MAN1A2: variants seen among roughly 807,000 people sequenced by gnomAD.
MAN1A2 encodes the protein mannosidase alpha class 1A member 2, also known as mannosyl-oligosaccharide 1,2-alpha-mannosidase IB.
Under a neutral mutation model 75.7 loss-of-function variants are expected in MAN1A2, and 26 were observed. That is an observed-to-expected ratio of 0.34 (90% CI 0.25 to 0.48). The LOEUF is 0.48. Among genes scored for constraint, MAN1A2 ranks in the 20% least tolerant of loss-of-function variants. The pLI is 0.99. For synonymous variants in MAN1A2, 247 were observed against 264.6 expected (o/e 0.93, Z 0.65); for missense variants, 562 against 775.5 (o/e 0.72, Z 3.27).
At chr1:117,419,810 C>A (rs1199107809) in intron 4 of MAN1A2, among the ~76,000 whole-genome samples, 15 of 151,890 alleles carry the variant, frequency 9.9e-5, no homozygotes, top group African/African-American at 3.4e-4. Flanking sequence ...CATCTGTTTG[C>A]CATTTAGTTT....
At chr1:117,498,305 ATTG>A (rs1386599290) in intron 10 of MAN1A2, among the ~76,000 whole-genome samples, 1 of 151,880 alleles carries the variant, frequency 6.6e-6, no homozygotes, top group East Asian at 1.9e-4. Context: ...GAGAATAAGG[ATTG>A]TTATTTTGCA....
intron 5 of MAN1A2, among the ~76,000 whole-genome samples, chr1:117,438,866 G>A (rs1648934753): frequency 6.6e-6 from 1 of 152,128 alleles, no homozygotes; most frequent in Non-Finnish European, 1.5e-5. Context: ...ATTGCCTAAT[G>A]ATGCATTTCT....
intron 1 of MAN1A2, among the ~76,000 whole-genome samples, chr1:117,392,073 C>T (rs1653738717): frequency 1.3e-5 from 2 of 152,084 alleles, no homozygotes; most frequent in South Asian, 2.1e-4. Context: ...CTTATATCCC[C>T]TCCCTTTCTA....
At chr1:117,489,628 G>A (rs895914919) in intron 8 of MAN1A2, among the ~76,000 whole-genome samples, 7 of 151,960 alleles carry the variant, frequency 4.6e-5, no homozygotes, top group Admixed American at 1.3e-4. Context: ...TAGCTTTAAC[G>A]TACGAAGCTA....
chr1:117,371,197 T>C (rs185746271), intron 1 of MAN1A2, among the ~76,000 whole-genome samples: 15 of 152,340 alleles, frequency 9.8e-5, no homozygotes, highest in Non-Finnish European at 1.6e-4. Flanking sequence ...CTTTAAATAC[T>C]GTATATTTTC....
chr1:117,420,709 A>G, intron 5 of MAN1A2, 60 bp downstream of exon 5: 1 of 1,213,508 alleles, frequency 8.2e-7, no homozygotes, highest in South Asian at 1.2e-5. Context: ...ATTTAATAAA[A>G]TGAACAATTT....
At chr1:117,494,020 T>G (rs1246304163) in intron 9 of MAN1A2, 1 of 152,030 alleles carries the variant, frequency 6.6e-6, no homozygotes, top group Non-Finnish European at 1.5e-5. Context: ...GTTCTAACCC[T>G]TCTTACATAT....
Position 117,522,840 on chromosome 1 carries a change from G to C in MAN1A2, c.1809G>C (p.Leu603=), listed in dbSNP as rs1234257641. 4 of 1,610,860 alleles carry C rather than the reference G, an allele frequency of 2.5e-6. No homozygotes were observed. The highest frequency in any genetic ancestry group is 1.7e-5 in the Admixed American group (1 of 59,740). The change falls in exon 13 of 13, where the codon CTG becomes CTC. Residue 603 remains leucine, a synonymous_variant. Coordinates refer to ENST00000356554, the MANE Select transcript of MAN1A2 (RefSeq NM_006699.5). ...LAETLKYLYL[L]FSGDDLLPLD... is the part of the protein sequence containing the mutation. The stretch of plus-strand genomic sequence containing the variant: ...TTATTTTCAGATATTTGTATCTGCT[G>C]TTCTCCGGTGATGACCTTTTACCTT...
chr1:117,427,388 T>A (rs977294028), intron 5 of MAN1A2, among the ~76,000 whole-genome samples: 5 of 152,210 alleles, frequency 3.3e-5, no homozygotes, highest in Non-Finnish European at 5.9e-5. Context: ...TTGACTGTTG[T>A]CATTGGAAGG....
intron 6 of MAN1A2, among the ~76,000 whole-genome samples, chr1:117,452,612 C>G (rs1570755595): frequency 1.3e-5 from 2 of 152,212 alleles, no homozygotes; most frequent in Admixed American, 6.5e-5. Flanking sequence ...CCCTAACTCT[C>G]TTCACGTCTG....
chr1:117,498,549 TA>T (rs1651103986), intron 10 of MAN1A2, among the ~76,000 whole-genome samples: 1 of 151,914 alleles, frequency 6.6e-6, no homozygotes, highest in East Asian at 1.9e-4. Context: ...AGGATTTCCT[TA>T]TATTTCTGAT....
rs186684013 is a variant in MAN1A2 at position 117,431,945 on chromosome 1, G to A, written c.856-10286G>A. 3.7e-4 allele frequency among the ~76,000 whole-genome samples: 57 copies of A among 152,178 alleles called. 1 individual carries two copies. The East Asian group carries it at 3.9e-3, about 10-fold the overall frequency. ...AGCTGGGGCAACAGAGCAAAACCCT[G>A]TCTCTCAAAAACAAAAAACAAGCAC... On this transcript the variant is annotated intron_variant, in intron 5 of 12. Coordinates refer to ENST00000356554, the MANE Select transcript of MAN1A2 (RefSeq NM_006699.5).
chr1:117,426,951 C>A (rs1366141848), intron 5 of MAN1A2, among the ~76,000 whole-genome samples: 1 of 152,030 alleles, frequency 6.6e-6, no homozygotes, highest in African/African-American at 2.4e-5. Context: ...TCTGGGATTC[C>A]AATTATATAC....
intron 8 of MAN1A2, among the ~76,000 whole-genome samples, chr1:117,490,468 C>T (rs1335247527): frequency 6.6e-6 from 1 of 152,004 alleles, no homozygotes; most frequent in Admixed American, 6.6e-5. Context: ...TGTGTGTGTT[C>T]TGACTGCTCT....
At chr1:117,509,076 G>A (rs76199502) in intron 12 of MAN1A2, among the ~76,000 whole-genome samples, 18,764 of 150,856 alleles carry the variant, frequency 0.12, 1,227 homozygotes, top group Non-Finnish European at 0.14. Context: ...AAAACCCAAA[G>A]ATCATTGAAG....
intron 1 of MAN1A2, among the ~76,000 whole-genome samples, chr1:117,395,093 G>A (rs17037239): frequency 0.61 from 92,941 of 151,970 alleles, 28,692 homozygotes; most frequent in Non-Finnish European, 0.65. Context: ...CTGTTCACAC[G>A]TATGAATTCT....
chr1:117,444,176 A>T (rs1470899230), intron 6 of MAN1A2, among the ~76,000 whole-genome samples: 1 of 152,122 alleles, frequency 6.6e-6, no homozygotes. Context: ...CTCAATAAAG[A>T]TCTAAATAAA....
intron 1 of MAN1A2, among the ~76,000 whole-genome samples, chr1:117,373,666 T>G (rs966026426): frequency 5.9e-5 from 9 of 152,106 alleles, no homozygotes; most frequent in Non-Finnish European, 1.3e-4. Context: ...TAGGTTAAGT[T>G]TTAATTTTTG....
In MAN1A2 at chr1:117,520,066, A is replaced by C. The variant is rs182952759; in HGVS notation, c.1794-2759A>C. On this transcript the variant is annotated intron_variant, in intron 12 of 12. Transcript: ENST00000356554. ...TGTGATATCCCACATAAACAGAACTAAAAATCACATGATCATCTCAATAGA... is the reference window on the plus strand; with the variant it reads ...TGTGATATCCCACATAAACAGAACTCAAAATCACATGATCATCTCAATAGA... 1.1e-3 allele frequency among the ~76,000 whole-genome samples: 168 copies of C among 152,216 alleles called. 2 individuals are homozygous for C. Among genetic ancestry groups the C allele is most frequent in the Non-Finnish European group, 1.9e-3 (129 of 67,990 alleles).
Sources: allele counts gnomAD v4.1 joint callset (sites outside exome capture counted in the v4.1 genomes callset), GRCh38; gene constraint gnomAD v4.1.1; transcripts MANE v1.5; gene names NCBI Gene and HGNC (gene_info 2026-07-23, HGNC 2026-07-21).